Variants in TEKT5 observed in about 807,000 individuals in gnomAD.
TEKT5 encodes the protein tektin 5.
Under a neutral mutation model 48.7 loss-of-function variants are expected in TEKT5, and 52 were observed. The ratio of observed to expected loss-of-function variants is 1.07; its 90% CI spans 0.86 to 1.35. The LOEUF is 1.35. TEKT5 is among the 40% of genes most tolerant of loss of function. The pLI, the probability that TEKT5 is intolerant of heterozygous loss-of-function variation, is 0.00. For synonymous variants in TEKT5, 318 were observed against 267.6 expected (o/e 1.19, Z -1.84); for missense variants, 831 against 641.6 (o/e 1.30, Z -3.19).
At chr16:10,688,252 G>T (rs1216903139) in intron 3 of TEKT5, among the ~76,000 whole-genome samples, 2 of 152,130 alleles carry the variant, frequency 1.3e-5, no homozygotes, top group Non-Finnish European at 2.9e-5. Context: ...TCTTTCTAGG[G>T]GTCTCCAATG....
intron 5 of TEKT5, among the ~76,000 whole-genome samples, chr16:10,640,768 TAATTATTTTGAG>T (rs1897983592): frequency 1.3e-5 from 2 of 152,218 alleles, no homozygotes; most frequent in African/African-American, 4.8e-5. Context: ...TCACTCAGCA[TAATTATTTTGAG>T]AATTATTCAT....
chr16:10,690,957 C>T (rs991257020), intron 1 of TEKT5, among the ~76,000 whole-genome samples: 1 of 152,216 alleles, frequency 6.6e-6, no homozygotes, highest in African/African-American at 2.4e-5. Context: ...ACATGCTCTG[C>T]TGAGGTGCTG....
intron 5 of TEKT5, among the ~76,000 whole-genome samples, chr16:10,661,926 G>A (rs1898378766): frequency 6.6e-6 from 1 of 152,136 alleles, no homozygotes; most frequent in South Asian, 2.1e-4. Context: ...CAGCACTGTG[G>A]CCAGCACACA....
At chr16:10,667,565 T>C (rs1267149036) in intron 5 of TEKT5, among the ~76,000 whole-genome samples, 1 of 152,222 alleles carries the variant, frequency 6.6e-6, no homozygotes. Flanking sequence ...TCTGAATCCA[T>C]TCTGGTTCAG....
chr16:10,670,701 G>C (rs1020658139), intron 5 of TEKT5, among the ~76,000 whole-genome samples: 2 of 152,164 alleles, frequency 1.3e-5, no homozygotes, highest in African/African-American at 4.8e-5. Flanking sequence ...TAGGGTTGGA[G>C]TTTGGTGCAT....
intron 5 of TEKT5, among the ~76,000 whole-genome samples, chr16:10,665,252 G>A (rs946605895): frequency 5.9e-5 from 9 of 152,130 alleles, no homozygotes; most frequent in South Asian, 2.1e-4. Context: ...AACATTACCC[G>A]GGAGATGACA....
chr16:10,654,075 G>C (rs1443618875), intron 5 of TEKT5, among the ~76,000 whole-genome samples: 1 of 152,016 alleles, frequency 6.6e-6, no homozygotes, highest in African/African-American at 2.4e-5. Flanking sequence ...TTTTGAGAGA[G>C]GTTCTCACAC....
At chr16:10,661,552 G>C (rs138259986) in intron 5 of TEKT5, among the ~76,000 whole-genome samples, 94 of 152,312 alleles carry the variant, frequency 6.2e-4, no homozygotes, top group African/African-American at 2.2e-3. Context: ...TAGACAGAGG[G>C]GACAATCTGG....
intron 5 of TEKT5, among the ~76,000 whole-genome samples, chr16:10,643,864 C>T (rs995786996): frequency 1.6e-4 from 24 of 151,976 alleles, no homozygotes; most frequent in African/African-American, 5.6e-4. Context: ...ATAGTGAGAC[C>T]CCCGTCTCTA....
intron 1 of TEKT5, among the ~76,000 whole-genome samples, chr16:10,693,282 A>C (rs1003096050): frequency 6.6e-6 from 1 of 152,182 alleles, no homozygotes; most frequent in Admixed American, 6.5e-5. Context: ...TTTAGTAGAA[A>C]TGGGGTTTCA....
intron 5 of TEKT5, among the ~76,000 whole-genome samples, chr16:10,645,890 G>A (rs1052334936): frequency 2.0e-5 from 3 of 151,874 alleles, no homozygotes; most frequent in Admixed American, 6.6e-5. Flanking sequence ...AGCACTTTGC[G>A]GGGCACTGAG....
chr16:10,674,840 C>A (rs1304838603), intron 5 of TEKT5, among the ~76,000 whole-genome samples: 1 of 136,978 alleles, frequency 7.3e-6, no homozygotes, highest in Non-Finnish European at 1.6e-5. Flanking sequence ...TTTTTTTTTT[C>A]TTGATACGGG....
chr16:10,675,758 G>A (rs1025525667), intron 5 of TEKT5, among the ~76,000 whole-genome samples: 2 of 152,110 alleles, frequency 1.3e-5, no homozygotes, highest in African/African-American at 4.8e-5. Context: ...AGCAAGACAA[G>A]ATGGACTATG....
intron 5 of TEKT5, among the ~76,000 whole-genome samples, chr16:10,673,131 G>A (rs2719705): frequency 0.43 from 65,007 of 152,000 alleles, 15,671 homozygotes; most frequent in East Asian, 0.82. Context: ...GAGATGGAAG[G>A]AGCAATGAAA....
At chr16:10,632,869 GACACACACACACACACACACAC>G (rs35503579) in intron 6 of TEKT5, among the ~76,000 whole-genome samples, 8 of 131,646 alleles carry the variant, frequency 6.1e-5, no homozygotes, top group South Asian at 2.5e-4. Context: ...CACAGATGCA[GACACACACACACACACACACAC>G]ACACACACAC....
intron 6 of TEKT5, among the ~76,000 whole-genome samples, chr16:10,628,473 T>C (rs142270126): frequency 6.6e-6 from 1 of 152,324 alleles, no homozygotes; most frequent in East Asian, 1.9e-4. Context: ...CCAAAATATG[T>C]ACATGAATGT....
intron 4 of TEKT5, among the ~76,000 whole-genome samples, chr16:10,678,441 G>C (rs190318326): frequency 6.6e-6 from 1 of 152,114 alleles, no homozygotes; most frequent in Non-Finnish European, 1.5e-5. Flanking sequence ...ATGGTGCATA[G>C]AAAGTTTTAA....
At chr16:10,685,692 C>T (rs1567236229) in intron 3 of TEKT5, among the ~76,000 whole-genome samples, 3 of 152,170 alleles carry the variant, frequency 2.0e-5, no homozygotes, top group Non-Finnish European at 4.4e-5. Flanking sequence ...ATATCTGACT[C>T]TGTGCCTCTC....
At chr16:10,633,222 A>G (rs1394769861) in intron 6 of TEKT5, among the ~76,000 whole-genome samples, 1 of 152,148 alleles carries the variant, frequency 6.6e-6, no homozygotes, top group African/African-American at 2.4e-5. Context: ...TTAGCCGAGC[A>G]TGGTGGCAGG....
Sources: allele counts gnomAD v4.1 joint callset (sites outside exome capture counted in the v4.1 genomes callset), GRCh38; gene constraint gnomAD v4.1.1; transcripts MANE v1.5; gene names NCBI Gene and HGNC (gene_info 2026-07-23, HGNC 2026-07-21).